The following MAP7 variants were observed in gnomAD, a reference collection of about 807,000 sequenced individuals.
MAP7 encodes the protein microtubule associated protein 7.
A neutral mutation model predicts 94.8 loss-of-function variants in MAP7; 52 were observed. The observed-to-expected ratio is 0.55, with a 90% CI of 0.44 to 0.69. The LOEUF (loss-of-function observed/expected upper bound fraction) is 0.69. Ranked by LOEUF, MAP7 falls within the 30% of genes least tolerant of loss-of-function variation. MAP7 has a pLI of 0.00. For missense variants in MAP7, 940 were observed against 964.6 expected (o/e 0.97, Z 0.34); for synonymous variants, 350 against 357.0 (o/e 0.98, Z 0.22).
In MAP7 at chr6:136,550,134, G is replaced by A. The variant is rs1435667710; in HGVS notation, c.67+208C>T. Among the ~76,000 whole-genome samples, 1 of 150,802 alleles carries A rather than the reference G, an allele frequency of 6.6e-6. No individual in the cohort carries two copies. The highest frequency in any genetic ancestry group is 1.5e-5 in the Non-Finnish European group (1 of 67,508). On this transcript the variant is annotated intron_variant, in intron 1 of 17. Transcript: ENST00000354570. This position sits in a 1 kb window ranked among gnomAD's most constrained non-coding sequence, Gnocchi z 5.1. ...GGCGGCCGCAACCCCGGCCGGGGCCGAGCCGGGCTGGCCGAGCCGCGGCGG... is the reference window on the plus strand; with the variant it reads ...GGCGGCCGCAACCCCGGCCGGGGCCAAGCCGGGCTGGCCGAGCCGCGGCGG...
In MAP7 at chr6:136,365,892, G is replaced by C. The variant is rs775287802; in HGVS notation, c.1116C>G (p.Val372=). ...CAGGCTCCACTTTGACTTCCCTCTT[G>C]ACAGGGCGGATGTTGCCGGGGGATG... is the stretch of plus-strand genomic sequence containing the variant. ...RPPSPGNIRP[V]KREVKVEPEK... Residue 372 remains valine, a synonymous_variant, in exon 10 of 18, where the codon GTC becomes GTG. Transcript: ENST00000354570. The C allele has an allele frequency of 1.1e-5, 17 of 1,613,974 alleles. No homozygotes were observed. Among genetic ancestry groups the C allele is most frequent in the Admixed American group, 3.3e-5 (2 of 59,994 alleles).
At chr6:136,475,649 T>C (rs1203908314) in intron 1 of MAP7, among the ~76,000 whole-genome samples, 1 of 152,224 alleles carries the variant, frequency 6.6e-6, no homozygotes, top group Non-Finnish European at 1.5e-5. Flanking sequence ...AAAGTTAATA[T>C]GCCAGAATTT....
rs1830048165 is a variant in MAP7, at chr6:136,550,252, C to T, written c.67+90G>A. On this transcript the variant is annotated intron_variant, in intron 1 of 17. Transcript: ENST00000354570. This position sits in a 1 kb window ranked among gnomAD's most constrained non-coding sequence, Gnocchi z 5.1. ...GGCCGCGCGGGCGGGGAGGGGGCTG[C>T]CGGCGCCGGGTGATTTCGGTGCCAG... is the stretch of plus-strand genomic sequence containing the variant. 7.6e-6 allele frequency: 9 copies of T among 1,187,752 alleles called. No homozygotes were observed. The highest frequency in any genetic ancestry group is 9.7e-6 in the Non-Finnish European group (9 of 924,646). 73.6% of individuals were successfully genotyped at this position (1,187,752 alleles called of 1,614,324 possible). A position where few individuals can be genotyped will look rare whatever the true frequency, so the allele number is the denominator to read the frequency against.
At chr6:136,410,880 T>C (rs1448856454) in intron 3 of MAP7, among the ~76,000 whole-genome samples, 1 of 152,248 alleles carries the variant, frequency 6.6e-6, no homozygotes, top group African/African-American at 2.4e-5. Flanking sequence ...AGTTTCAGAA[T>C]ACCCAGGCAC....
chr6:136,543,961 G>A (rs374619735), intron 1 of MAP7, among the ~76,000 whole-genome samples: 7 of 152,236 alleles, frequency 4.6e-5, no homozygotes, highest in Admixed American at 2.0e-4. Flanking sequence ...ATGCTCTGTT[G>A]CCCAGGCTGG....
chr6:136,364,056 T>C, intron 10 of MAP7: 1 of 262,826 alleles, frequency 3.8e-6, no homozygotes, highest in South Asian at 4.0e-5. Context: ...AGGGCCACAT[T>C]GAAGTGGAAC....
In MAP7 at chr6:136,486,688, G is replaced by A. The variant is rs575274091; in HGVS notation, c.67+63654C>T. ...TTATGCCCCAGAGCTCAGACCTTAG[G>A]GTTCATTGGGTCTTGTGAATTTACA... On this transcript the variant is annotated intron_variant, in intron 1 of 17. Transcript: ENST00000354570. Among the ~76,000 whole-genome samples, 6 of 152,202 alleles carry A rather than the reference G, an allele frequency of 3.9e-5. No homozygotes were observed. The East Asian group carries it at 1.2e-3, about 29-fold the overall frequency.
chr6:136,345,942 G>A lies in MAP7; in HGVS notation c.2153C>T (p.Pro718Leu). The A allele has an allele frequency of 6.2e-7, 1 of 1,614,118 alleles. No homozygotes were observed. Among genetic ancestry groups the A allele is most frequent in the African/African-American group, 1.3e-5 (1 of 75,030 alleles). ...ATCAAAGGCCAAAATTGGATTCAAA[G>A]GAATTTCTGGGCTCTCACTGTTGGT... ...DVTNSESPEI[P>L]LNPILAFDDE... The change falls in exon 17 of 18, where the codon CCT becomes CTT. Residue 718 changes from proline to leucine, a missense_variant. Transcript: ENST00000354570.
chr6:136,392,304 C>CCTCAG (rs1781005597), intron 3 of MAP7, among the ~76,000 whole-genome samples: 2 of 151,638 alleles, frequency 1.3e-5, no homozygotes, highest in Non-Finnish European at 2.9e-5. Flanking sequence ...GTCTTGACCT[C>CCTCAG]CTCAGCTCAA....
At chr6:136,447,759 T>C (rs1799779958) in intron 1 of MAP7, among the ~76,000 whole-genome samples, 1 of 152,206 alleles carries the variant, frequency 6.6e-6, no homozygotes, top group Non-Finnish European at 1.5e-5. Context: ...AGTCATCACC[T>C]AAAACTTTTC....
intron 1 of MAP7, among the ~76,000 whole-genome samples, chr6:136,505,269 GTGTGTGTGTATATATATATATA>G (rs1441276591): frequency 2.0e-5 from 2 of 99,486 alleles, no homozygotes; most frequent in East Asian, 4.3e-4. Flanking sequence ...GTGTGTGTGT[GTGTGTGTGTATATATATATATA>G]TATATATATA....
chr6:136,488,679 G>A (rs1480595240), intron 1 of MAP7, among the ~76,000 whole-genome samples: 2 of 151,994 alleles, frequency 1.3e-5, no homozygotes, highest in African/African-American at 2.4e-5. Flanking sequence ...TCTTGATCTC[G>A]TGATCTGCCT....
intron 1 of MAP7, among the ~76,000 whole-genome samples, chr6:136,437,824 TAG>T (rs1162090809): frequency 1.3e-5 from 2 of 152,244 alleles, no homozygotes; most frequent in Non-Finnish European, 2.9e-5. Context: ...TTTTAAAAGC[TAG>T]AAAAACTATC....
At chr6:136,369,380 C>T (rs367987344) in intron 8 of MAP7, among the ~76,000 whole-genome samples, 65 of 152,226 alleles carry the variant, frequency 4.3e-4, no homozygotes, top group African/African-American at 1.5e-3. Flanking sequence ...TCAAGACCAG[C>T]CTGGCCTACA....
At position 136,550,328 on chromosome 6, in the gene MAP7, C is replaced by T. The variant is rs1175783062; in HGVS notation, c.67+14G>A. On this transcript the variant is annotated intron_variant, in intron 1 of 17. Transcript: ENST00000354570. The surrounding 1 kb of genome is among the most constrained non-coding windows in gnomAD (Gnocchi z 5.1). ...TGCCCGACGGGACCCCCACTATCCC[C>T]GCTGTGCGGTCACCTGTTTCGCTTC... The T allele has an allele frequency of 2.0e-6, 3 of 1,510,936 alleles. No homozygotes were observed. The highest frequency in any genetic ancestry group is 2.5e-5 in the South Asian group (2 of 80,952). The allele number at this position is 1,510,936 out of a possible 1,614,324, so 93.6% of individuals were successfully genotyped here.
At chr6:136,462,954 CAAA>C (rs5880296) in intron 1 of MAP7, among the ~76,000 whole-genome samples, 6 of 124,920 alleles carry the variant, frequency 4.8e-5, no homozygotes, top group Non-Finnish European at 4.9e-5. Context: ...GATCCTATCT[CAAA>C]AAAAAAAAAA....
At chr6:136,465,916 T>C (rs193120240) in intron 1 of MAP7, among the ~76,000 whole-genome samples, 1 of 152,294 alleles carries the variant, frequency 6.6e-6, no homozygotes, top group East Asian at 1.9e-4. Flanking sequence ...AAAATGAAGA[T>C]TTATATTTTT....
intron 2 of MAP7, among the ~76,000 whole-genome samples, chr6:136,414,042 G>A (rs1229970262): frequency 6.6e-6 from 1 of 151,578 alleles, no homozygotes; most frequent in African/African-American, 2.4e-5. Context: ...GAGGTCAGGA[G>A]ATCGAGACCA....
intron 16 of MAP7, among the ~76,000 whole-genome samples, chr6:136,346,481 G>T (rs1017357616): frequency 1.3e-5 from 2 of 152,144 alleles, no homozygotes; most frequent in Admixed American, 6.5e-5. Flanking sequence ...AGGATCACTT[G>T]AGCTCAGGAG....
Sources: allele counts gnomAD v4.1 joint callset (sites outside exome capture counted in the v4.1 genomes callset), GRCh38; gene constraint gnomAD v4.1.1; non-coding constraint Gnocchi (gnomAD v3.1); transcripts MANE v1.5; gene names NCBI Gene and HGNC (gene_info 2026-07-23, HGNC 2026-07-21).